PRKCB: variants seen among roughly 807,000 people sequenced by gnomAD.
PRKCB encodes the protein protein kinase C beta type.
PRKCB carries 13 observed loss-of-function variants against 81.5 expected under a neutral mutation model. That is an observed-to-expected ratio of 0.16 (90% CI 0.10 to 0.25). The LOEUF (loss-of-function observed/expected upper bound fraction) is 0.25. Among genes scored for constraint, PRKCB ranks in the 10% least tolerant of loss-of-function variants. The probability of loss-of-function intolerance (pLI) is 1.00; values close to 1 mark genes in which losing one functional copy is unlikely to be tolerated. For synonymous variants in PRKCB, 335 were observed against 321.4 expected (o/e 1.04, Z -0.45); for missense variants, 509 against 875.7 (o/e 0.58, Z 5.29).
At chr16:24,116,244 TC>T (rs1019879351) in intron 8 of PRKCB, among the ~76,000 whole-genome samples, 1 of 152,006 alleles carries the variant, frequency 6.6e-6, no homozygotes, top group African/African-American at 2.4e-5. Context: ...AAGTTTGTTC[TC>T]CCCTCAACTT....
intron 9 of PRKCB, among the ~76,000 whole-genome samples, chr16:24,130,122 T>G (rs1446227871): frequency 6.6e-6 from 1 of 152,236 alleles, no homozygotes; most frequent in East Asian, 1.9e-4. Flanking sequence ...GTATACCATT[T>G]AACCAGAATT....
chr16:24,124,056 GGGAC>G (rs1290391815), intron 9 of PRKCB, 75 bp downstream of exon 9: 1 of 1,543,240 alleles, frequency 6.5e-7, no homozygotes, highest in East Asian at 2.3e-5. Context: ...CTGTTCCTAT[GGGAC>G]GGACGTCCTA....
chr16:24,017,135 A>G (rs1472347611), intron 3 of PRKCB, among the ~76,000 whole-genome samples: 4 of 152,226 alleles, frequency 2.6e-5, no homozygotes. Context: ...CTAGATACCA[A>G]GAGCTTATAC....
intron 10 of PRKCB, among the ~76,000 whole-genome samples, chr16:24,156,091 A>G (rs991161514): frequency 3.3e-5 from 5 of 152,126 alleles, no homozygotes; most frequent in African/African-American, 7.2e-5. Context: ...TCCTAATTCT[A>G]TCATTTATTT....
At chr16:23,932,378 T>C (rs778271235) in intron 2 of PRKCB, among the ~76,000 whole-genome samples, 2 of 152,166 alleles carry the variant, frequency 1.3e-5, no homozygotes, top group Non-Finnish European at 2.9e-5. Context: ...AATTTATGGG[T>C]AAAATAAAAC....
chr16:24,024,894 T>A (rs1283506367), intron 3 of PRKCB, among the ~76,000 whole-genome samples: 1 of 151,862 alleles, frequency 6.6e-6, no homozygotes, highest in Non-Finnish European at 1.5e-5. Context: ...GGACCACAGG[T>A]GTAGGAGTGT....
intron 9 of PRKCB, among the ~76,000 whole-genome samples, chr16:24,152,776 A>G (rs1967098474): frequency 6.6e-6 from 1 of 152,218 alleles, no homozygotes; most frequent in Non-Finnish European, 1.5e-5. Flanking sequence ...TGCCCATCCT[A>G]GCACTTGGAG....
In PRKCB at chr16:24,218,423, C is replaced by A; in HGVS notation, c.*3607C>A. The A allele has an allele frequency of 1.0e-6, 1 of 985,378 alleles. No individual in the cohort carries two copies. Among genetic ancestry groups the A allele is most frequent in the Non-Finnish European group, 1.2e-6 (1 of 829,966 alleles). 61.0% of individuals were successfully genotyped at this position (985,378 alleles called of 1,614,324 possible). On this transcript the variant is annotated 3_prime_UTR_variant, in exon 17 of 17. Transcript: ENST00000643927. Reference sequence around the variant, plus strand: ...AGGTGGGACATGGTAGAGATGGACCCTACCCAGGAAACAGCTCCATCAGCA... The same window carrying A: ...AGGTGGGACATGGTAGAGATGGACCATACCCAGGAAACAGCTCCATCAGCA...
At position 24,214,759 on chromosome 16, in the gene PRKCB, A is replaced by T. The variant is rs1382287535; in HGVS notation, c.1965A>T (p.Glu655Asp). 1 of 1,614,060 alleles carries T rather than the reference A, an allele frequency of 6.2e-7. No homozygotes were observed. Among genetic ancestry groups the T allele is most frequent in the Non-Finnish European group, 8.5e-7 (1 of 1,180,018 alleles). Reference protein sequence around the residue: ...QEVIRNIDQSEFEGFSFVNSE... With the variant: ...QEVIRNIDQSDFEGFSFVNSE... Reference sequence around the variant, plus strand: ...TCATCAGGAATATTGACCAATCAGAATTCGAAGGATTTTCCTTTGTTAACT... The same window carrying T: ...TCATCAGGAATATTGACCAATCAGATTTCGAAGGATTTTCCTTTGTTAACT... Residue 655 changes from glutamate to aspartate, a missense_variant, in exon 17 of 17, where the codon GAA becomes GAT. By Grantham distance (45) the Glu-to-Asp change is conservative. Coordinates refer to ENST00000643927, the MANE Select transcript of PRKCB (RefSeq NM_002738.7).
chr16:24,206,270 C>G (rs555380500), intron 16 of PRKCB, among the ~76,000 whole-genome samples: 1 of 152,324 alleles, frequency 6.6e-6, no homozygotes, highest in South Asian at 2.1e-4. Flanking sequence ...GAGTGGGTCC[C>G]TCCTGTATTC....
At chr16:24,060,402 C>T (rs1054773918) in intron 5 of PRKCB, among the ~76,000 whole-genome samples, 2 of 152,180 alleles carry the variant, frequency 1.3e-5, no homozygotes, top group Admixed American at 6.5e-5. Flanking sequence ...TTAGCAAAGA[C>T]GTCAGTGACC....
chr16:24,164,157 G>A (rs1967306699), intron 10 of PRKCB, among the ~76,000 whole-genome samples: 1 of 152,122 alleles, frequency 6.6e-6, no homozygotes. Context: ...TGTCCCCCTG[G>A]CAGTCACACA....
chr16:23,859,189 A>G (rs1198414249), intron 2 of PRKCB, among the ~76,000 whole-genome samples: 1 of 152,222 alleles, frequency 6.6e-6, no homozygotes, highest in Admixed American at 6.5e-5. Context: ...TAAGCTAAGT[A>G]GTTGAAGAGG....
intron 16 of PRKCB, among the ~76,000 whole-genome samples, chr16:24,197,604 T>C (rs1329206608): frequency 3.3e-5 from 5 of 152,294 alleles, no homozygotes; most frequent in East Asian, 3.9e-4. Context: ...TGTTCTGACT[T>C]TGGGTTTTTA....
intron 2 of PRKCB, among the ~76,000 whole-genome samples, chr16:23,889,674 T>C (rs913253773): frequency 3.0e-4 from 46 of 152,234 alleles, no homozygotes; most frequent in African/African-American, 1.1e-3. Context: ...TTCTAGATTA[T>C]CCAGAAAAAA....
At chr16:24,009,820 G>T (rs1374301810) in intron 3 of PRKCB, among the ~76,000 whole-genome samples, 2 of 151,976 alleles carry the variant, frequency 1.3e-5, no homozygotes, top group Non-Finnish European at 2.9e-5. Flanking sequence ...TTTGAGACCA[G>T]CCTGACCAAC....
At chr16:23,993,833 G>T (rs1964921252) in intron 3 of PRKCB, among the ~76,000 whole-genome samples, 1 of 152,106 alleles carries the variant, frequency 6.6e-6, no homozygotes, top group South Asian at 2.1e-4. Context: ...GCCTAATCAT[G>T]GTGTTGCTAG....
chr16:24,065,061 A>T (rs879768533), intron 5 of PRKCB, among the ~76,000 whole-genome samples: 21 of 147,758 alleles, frequency 1.4e-4, no homozygotes, highest in African/African-American at 5.2e-4. Context: ...AATAATATAA[A>T]TATATATATA....
At chr16:23,915,689 C>CAAA (rs71154259) in intron 2 of PRKCB, among the ~76,000 whole-genome samples, 1,703 of 54,274 alleles carry the variant, frequency 0.031, 226 homozygotes, top group Admixed American at 0.082. Context: ...GACTCTCTAT[C>CAAA]AAAAAAAAAA....
Sources: allele counts gnomAD v4.1 joint callset (sites outside exome capture counted in the v4.1 genomes callset), GRCh38; gene constraint gnomAD v4.1.1; transcripts MANE v1.5; gene names NCBI Gene and HGNC (gene_info 2026-07-23, HGNC 2026-07-21).